CDH23: variants seen among roughly 807,000 people sequenced by gnomAD.
The protein encoded by CDH23 is cadherin-23.
In CDH23, 189 loss-of-function variants were observed where a neutral mutation model predicts 317.1. That is an observed-to-expected ratio of 0.60 (90% CI 0.53 to 0.67). The LOEUF (loss-of-function observed/expected upper bound fraction) is 0.67, where lower values mean the gene tolerates loss of function less well. Ranked by LOEUF, CDH23 falls within the 30% of genes least tolerant of loss-of-function variation. The pLI is 0.00. For missense variants in CDH23, 4,401 were observed against 4,592.4 expected, an observed-to-expected ratio of 0.96 and a Z score of 1.20; for synonymous variants, 1,839 against 1,876.8, an observed-to-expected ratio of 0.98 and a Z score of 0.52.
intron 3 of CDH23, among the ~76,000 whole-genome samples, chr10:71,446,876 G>A (rs1260147476): frequency 1.3e-5 from 2 of 152,192 alleles, no homozygotes; most frequent in African/African-American, 4.8e-5. Context: ...CCCCTACTGA[G>A]GGCCTGCCTC....
At chr10:71,577,772 C>G (rs1322509387) in intron 8 of CDH23, 142 bp from the exon 9 acceptor site, 4 of 692,580 alleles carry the variant, frequency 5.8e-6, no homozygotes, top group Non-Finnish European at 1.0e-5. Flanking sequence ...GCAGCTGATG[C>G]CTGAGCCCTT....
chr10:71,425,404 GA>G (rs1849029069), intron 1 of CDH23, among the ~76,000 whole-genome samples: 3 of 150,590 alleles, frequency 2.0e-5, no homozygotes, highest in East Asian at 3.9e-4. Context: ...AGGAAGGAAG[GA>G]AGGAAGGAGG....
At position 71,694,211 on chromosome 10, in the gene CDH23, C is replaced by T. The variant is rs766659122; in HGVS notation, c.2241C>T (p.Arg747=). 22 of 1,613,626 alleles carry T rather than the reference C, an allele frequency of 1.4e-5. No individual in the cohort carries two copies. Among genetic ancestry groups the T allele is most frequent in the African/African-American group, 2.7e-5 (2 of 74,866 alleles). Residue 747 remains arginine (R), a synonymous_variant, in exon 21 of 70, where the codon CGC becomes CGT. Transcript: ENST00000224721. ...AGTCTGAATACATCCTCATCGTTCG[C>T]GCAGTGGACGGGGGTGTGGGCCACA... ...ETKSEYILIV[R]AVDGGVGHNQ... is the part of the protein sequence containing the mutation.
At chr10:71,544,839 C>G (rs936309244) in intron 6 of CDH23, among the ~76,000 whole-genome samples, 1 of 152,238 alleles carries the variant, frequency 6.6e-6, no homozygotes, top group Non-Finnish European at 1.5e-5. Context: ...GACTTCTCCG[C>G]CAGTCAGGAG....
At chr10:71,730,136 C>A (rs916072273) in intron 30 of CDH23, among the ~76,000 whole-genome samples, 7 of 152,080 alleles carry the variant, frequency 4.6e-5, no homozygotes, top group Non-Finnish European at 1.0e-4. Flanking sequence ...CGCGCCCGGC[C>A]GAATTATTAT....
At chr10:71,709,598 C>A (rs904073468) in intron 27 of CDH23, among the ~76,000 whole-genome samples, 1 of 152,146 alleles carries the variant, frequency 6.6e-6, no homozygotes, top group Admixed American at 6.5e-5. Context: ...TGAGTTAGGA[C>A]CCTTTCAGTT....
intron 3 of CDH23, among the ~76,000 whole-genome samples, chr10:71,489,870 A>G (rs1436370592): frequency 1.3e-5 from 2 of 152,062 alleles, no homozygotes; most frequent in Non-Finnish European, 2.9e-5. Flanking sequence ...ACAAATCCTT[A>G]AGAGTCACGT....
chr10:71,437,002 G>A (rs1347246736), intron 1 of CDH23, among the ~76,000 whole-genome samples: 1 of 152,214 alleles, frequency 6.6e-6, no homozygotes, highest in Non-Finnish European at 1.5e-5. Context: ...GATGGAAAGT[G>A]GTTTGAACAT....
intron 11 of CDH23, among the ~76,000 whole-genome samples, chr10:71,642,035 G>T (rs1862576283): frequency 6.6e-6 from 1 of 152,166 alleles, no homozygotes; most frequent in Admixed American, 6.5e-5. Context: ...AGTAGAGGTT[G>T]CAGTGAGCCA....
At chr10:71,719,218 C>T (rs1358309002) in intron 28 of CDH23, among the ~76,000 whole-genome samples, 1 of 152,212 alleles carries the variant, frequency 6.6e-6, no homozygotes, top group Non-Finnish European at 1.5e-5. Flanking sequence ...CTGCCAGGCC[C>T]CTTGACACCC....
At chr10:71,427,270 A>T (rs1849148759) in intron 1 of CDH23, among the ~76,000 whole-genome samples, 1 of 149,782 alleles carries the variant, frequency 6.7e-6, no homozygotes, top group Non-Finnish European at 1.5e-5. Flanking sequence ...AGAAAGAGAG[A>T]AAGAAGAAAG....
intron 30 of CDH23, among the ~76,000 whole-genome samples, chr10:71,726,349 C>G (rs1866810097): frequency 6.6e-6 from 1 of 152,200 alleles, no homozygotes; most frequent in Non-Finnish European, 1.5e-5. Flanking sequence ...TCAGCCCCAT[C>G]TCCACCCCCT....
At chr10:71,722,040 G>A (rs1168389483) in intron 28 of CDH23, among the ~76,000 whole-genome samples, 1 of 152,176 alleles carries the variant, frequency 6.6e-6, no homozygotes, top group Admixed American at 6.5e-5. Context: ...CTTGATCTTT[G>A]CTAGCAGGAA....
At chr10:71,402,703 CTGAGTGTGTGTG>C (rs1409984774) in intron 1 of CDH23, among the ~76,000 whole-genome samples, 1 of 112,718 alleles carries the variant, frequency 8.9e-6, no homozygotes, top group Admixed American at 1.0e-4. Flanking sequence ...TGAATTCTTC[CTGAGTGTGTGTG>C]TGTGTGTGTG....
chr10:71,405,727 C>T (rs1039959053), intron 1 of CDH23, among the ~76,000 whole-genome samples: 16 of 152,174 alleles, frequency 1.1e-4, no homozygotes, highest in African/African-American at 3.9e-4. Flanking sequence ...CATGAGCCAT[C>T]GTGCCCAGCC....
intron 6 of CDH23, among the ~76,000 whole-genome samples, chr10:71,532,722 T>G (rs868719626): frequency 0.21 from 9,091 of 42,308 alleles, 348 homozygotes; most frequent in African/African-American, 0.33. Context: ...TTTTTTTTTT[T>G]TTTTGTTTTT....
At chr10:71,585,348 A>G (rs1174098309) in intron 9 of CDH23, among the ~76,000 whole-genome samples, 4 of 152,164 alleles carry the variant, frequency 2.6e-5, no homozygotes, top group Non-Finnish European at 5.9e-5. Context: ...AAAACACCCC[A>G]TTCTTCATCC....
chr10:71,625,396 TAAAAAAAAA>T (rs1156772192), intron 11 of CDH23, among the ~76,000 whole-genome samples: 39 of 19,836 alleles, frequency 2.0e-3, no homozygotes, highest in South Asian at 3.8e-3. Flanking sequence ...CCAAATAAAT[TAAAAAAAAA>T]AAAAAAAAAA....
At chr10:71,735,542 T>G (rs974065522) in intron 34 of CDH23, among the ~76,000 whole-genome samples, 2 of 152,106 alleles carry the variant, frequency 1.3e-5, no homozygotes, top group African/African-American at 4.8e-5. Context: ...CACTGGCCAG[T>G]CACATCAGCT....
Sources: allele counts gnomAD v4.1 joint callset (sites outside exome capture counted in the v4.1 genomes callset), GRCh38; gene constraint gnomAD v4.1.1; transcripts MANE v1.5; gene names NCBI Gene and HGNC (gene_info 2026-07-23, HGNC 2026-07-21).